Variants in CRB1 observed in about 807,000 individuals in gnomAD.
CRB1 encodes protein crumbs homolog 1.
In CRB1, 83 loss-of-function variants were observed where a neutral mutation model predicts 120.0. That is an observed-to-expected ratio of 0.69 (90% CI 0.58 to 0.83). CRB1 has a LOEUF of 0.83. Ranked by LOEUF, CRB1 falls within the 40% of genes least tolerant of loss-of-function variation. The pLI is 0.00. For missense variants in CRB1, 1,699 were observed against 1,687.6 expected (o/e 1.01, Z -0.12); for synonymous variants, 625 against 612.5 (o/e 1.02, Z -0.30).
chr1:197,321,670 G>T (rs1658203663), intron 1 of CRB1, among the ~76,000 whole-genome samples: 2 of 152,172 alleles, frequency 1.3e-5, no homozygotes, highest in Admixed American at 1.3e-4. Context: ...TAAAGAGTTT[G>T]TTTGCTAATT....
At chr1:197,254,121 G>A in the CRB1 span, among the ~76,000 whole-genome samples, 1 of 151,964 alleles carries the variant, frequency 6.6e-6, no homozygotes, top group African/African-American at 2.4e-5. Flanking sequence ...TTTATTTATA[G>A]ATATAAGTGT....
At chr1:197,264,653 G>A (rs1381354084), upstream of CRB1, among the ~76,000 whole-genome samples, 2 of 135,510 alleles carry the variant, frequency 1.5e-5, no homozygotes, top group South Asian at 2.3e-4. Flanking sequence ...TCACTCTGTC[G>A]CTCTGTCGCC....
At chr1:197,268,079 A>C (rs1165967525), upstream of CRB1, 6 of 318,544 alleles carry the variant, frequency 1.9e-5, no homozygotes, top group Non-Finnish European at 3.0e-5. Context: ...TGAAGACACT[A>C]TTCTAATGTA....
intron 11 of CRB1, among the ~76,000 whole-genome samples, chr1:197,476,500 AATGGTCAAT>A (rs1220389054): frequency 6.6e-6 from 1 of 151,968 alleles, no homozygotes; most frequent in African/African-American, 2.4e-5. Flanking sequence ...GCTCATAGTA[AATGGTCAAT>A]AAGTATTGCT....
intron 5 of CRB1, among the ~76,000 whole-genome samples, chr1:197,379,726 C>G (rs1388607109): frequency 1.3e-5 from 2 of 150,690 alleles, no homozygotes; most frequent in African/African-American, 4.9e-5. Flanking sequence ...AGGATACTAT[C>G]AGTGAAGTCT....
chr1:197,207,439 G>T, the CRB1 span, among the ~76,000 whole-genome samples: 2 of 152,014 alleles, frequency 1.3e-5, no homozygotes, highest in African/African-American at 4.8e-5. Flanking sequence ...GCATTTGTTA[G>T]CCTGAAAAAA....
chr1:197,341,173 C>A (rs1340879788), intron 2 of CRB1, among the ~76,000 whole-genome samples: 1 of 152,120 alleles, frequency 6.6e-6, no homozygotes, highest in Non-Finnish European at 1.5e-5. Context: ...ACAGCCAATG[C>A]CTGTGAGATA....
At chr1:197,315,359 A>G (rs1271491237) in intron 1 of CRB1, among the ~76,000 whole-genome samples, 2 of 152,206 alleles carry the variant, frequency 1.3e-5, no homozygotes, top group African/African-American at 2.4e-5. Context: ...TTATCTCATC[A>G]TAACAAATTT....
chr1:197,466,474 T>C (rs1284110532), intron 11 of CRB1, among the ~76,000 whole-genome samples: 3 of 152,202 alleles, frequency 2.0e-5, no homozygotes, highest in Non-Finnish European at 2.9e-5. Flanking sequence ...AATTTTCTGA[T>C]AAATTGGCCA....
chr1:197,400,587 C>G (rs1010179434), intron 5 of CRB1, among the ~76,000 whole-genome samples: 6 of 151,958 alleles, frequency 3.9e-5, no homozygotes, highest in Non-Finnish European at 7.4e-5. Flanking sequence ...CTTACAAAAC[C>G]TATCCTGCTT....
chr1:197,312,583 AAAAC>A (rs759978278), intron 1 of CRB1, among the ~76,000 whole-genome samples: 15 of 152,300 alleles, frequency 9.8e-5, no homozygotes, highest in South Asian at 2.1e-4. Context: ...ACTCCGTCTC[AAAAC>A]AAACAAACAA....
chr1:197,405,860 G>A (rs950613427), intron 5 of CRB1, among the ~76,000 whole-genome samples: 2 of 152,106 alleles, frequency 1.3e-5, no homozygotes, highest in Non-Finnish European at 2.9e-5. Context: ...CGTCTGGGAA[G>A]TGAGGAGCGT....
the CRB1 span, among the ~76,000 whole-genome samples, chr1:197,206,379 G>A: frequency 3.9e-5 from 6 of 152,114 alleles, no homozygotes; most frequent in Non-Finnish European, 5.9e-5. Context: ...ACTTTTTGAT[G>A]TAGGCATTTA....
chr1:197,422,548 A>G (rs1571527717), intron 6 of CRB1, among the ~76,000 whole-genome samples: 3 of 151,976 alleles, frequency 2.0e-5, no homozygotes, highest in East Asian at 3.9e-4. Flanking sequence ...TCTTAAGAAA[A>G]AAAAAAAAGA....
chr1:197,250,109 A>C, the CRB1 span, among the ~76,000 whole-genome samples: 2 of 151,996 alleles, frequency 1.3e-5, no homozygotes, highest in East Asian at 1.9e-4. Flanking sequence ...TTTTATTATT[A>C]GTTGAGAAAG....
At chr1:197,381,226 C>G (rs146922467) in intron 5 of CRB1, among the ~76,000 whole-genome samples, 2,419 of 152,200 alleles carry the variant, frequency 0.016, 65 homozygotes, top group African/African-American at 0.055. Context: ...ATATTTTAGC[C>G]TGTTCAGGCA....
chr1:197,442,597 T>G, intron 11 of CRB1: 1 of 1,314,102 alleles, frequency 7.6e-7, no homozygotes, highest in Non-Finnish European at 1.0e-6. Context: ...AATATTTTCC[T>G]ATTCTAACTT....
At chr1:197,405,952 G>T (rs1663362598) in intron 5 of CRB1, among the ~76,000 whole-genome samples, 3 of 149,544 alleles carry the variant, frequency 2.0e-5, no homozygotes, top group Admixed American at 2.0e-4. Flanking sequence ...GGAGGGAGGT[G>T]GGGGGGTCAG....
At chr1:197,323,872 G>C (rs892243764) in intron 1 of CRB1, among the ~76,000 whole-genome samples, 38 of 152,126 alleles carry the variant, frequency 2.5e-4, no homozygotes, top group Admixed American at 2.0e-3. Flanking sequence ...TGATTCTCAT[G>C]GGGATGCTTT....
Sources: allele counts gnomAD v4.1 joint callset (sites outside exome capture counted in the v4.1 genomes callset), GRCh38; gene constraint gnomAD v4.1.1; transcripts MANE v1.5; gene names NCBI Gene and HGNC (gene_info 2026-07-23, HGNC 2026-07-21).